Variants in DLEC1 observed in about 807,000 individuals in gnomAD.
The protein encoded by DLEC1 is deleted in lung and esophageal cancer protein 1.
A neutral mutation model predicts 198.1 loss-of-function variants in DLEC1; 146 were observed. The ratio of observed to expected loss-of-function variants is 0.74; its 90% CI spans 0.64 to 0.85. DLEC1 has a LOEUF of 0.85. DLEC1 is among the 40% of genes least tolerant of loss of function. The probability of loss-of-function intolerance (pLI) is 0.00; values close to 1 mark genes in which losing one functional copy is unlikely to be tolerated. For synonymous variants in DLEC1, 897 were observed against 866.8 expected, an observed-to-expected ratio of 1.03 and a Z score of -0.61; for missense variants, 2,233 against 2,220.0, an observed-to-expected ratio of 1.01 and a Z score of -0.12.
chr3:38,060,886 G>A (rs978399497), intron 3 of DLEC1, among the ~76,000 whole-genome samples: 2 of 151,940 alleles, frequency 1.3e-5, no homozygotes, highest in Non-Finnish European at 2.9e-5. Context: ...TAGAGAGGGG[G>A]TTTCTCCATG....
chr3:38,087,090 T>A (rs1436996057), intron 9 of DLEC1, among the ~76,000 whole-genome samples: 141 of 141,658 alleles, frequency 1.0e-3, no homozygotes, highest in African/African-American at 3.6e-3. Context: ...AAAAAAAAAA[T>A]GGAGATTTTA....
intron 6 of DLEC1, among the ~76,000 whole-genome samples, chr3:38,064,491 C>T (rs147678530): frequency 0.024 from 3,700 of 152,348 alleles, 153 homozygotes; most frequent in African/African-American, 0.084. Context: ...AAACCGCCAT[C>T]GGCATCATGG....
Position 38,121,732 on chromosome 3 carries a change from C to A in DLEC1, c.4971C>A (p.Val1657=). 6.2e-7 allele frequency: 1 copy of A among 1,614,064 alleles called. No homozygotes were observed. Among genetic ancestry groups the A allele is most frequent in the Non-Finnish European group, 8.5e-7 (1 of 1,179,962 alleles). The change falls in exon 35 of 37, where the codon GTC becomes GTA. Residue 1657 remains valine (V), a synonymous_variant. Coordinates refer to ENST00000308059, the MANE Select transcript of DLEC1 (RefSeq NM_007335.4). ...TGAGCCAGCAGCGAGTCCGGGAGGT[C>A]TACCTGATGAACCTGAGCGGGTGCC... is the stretch of plus-strand genomic sequence containing the variant. The part of the protein sequence containing the change: ...CFVSQQRVRE[V]YLMNLSGCRS...
chr3:38,099,795 G>A (rs1015128301), intron 18 of DLEC1, among the ~76,000 whole-genome samples: 1 of 140,576 alleles, frequency 7.1e-6, no homozygotes, highest in Non-Finnish European at 1.5e-5. Flanking sequence ...GTGGGGGCGG[G>A]TAAATGAGGC....
intron 23 of DLEC1, among the ~76,000 whole-genome samples, chr3:38,110,674 T>C (rs1485971781): frequency 6.6e-6 from 1 of 152,094 alleles, no homozygotes; most frequent in Non-Finnish European, 1.5e-5. Context: ...TGGGCTGACA[T>C]GTGGAGAGTG....
At chr3:38,099,078 A>G (rs950042833) in intron 18 of DLEC1, among the ~76,000 whole-genome samples, 1 of 152,132 alleles carries the variant, frequency 6.6e-6, no homozygotes, top group African/African-American at 2.4e-5. Context: ...ATGAAACTTT[A>G]TGCAAAAGCC....
intron 21 of DLEC1, 147 bp from the exon 22 acceptor site, chr3:38,109,285 C>G (rs1256718548): frequency 3.4e-6 from 4 of 1,167,522 alleles, no homozygotes; most frequent in Non-Finnish European, 4.7e-6. Context: ...GAGGGCGGGT[C>G]GACTGGCTGG....
At chr3:38,046,817 C>T (rs570061403) in intron 2 of DLEC1, among the ~76,000 whole-genome samples, 3 of 151,582 alleles carry the variant, frequency 2.0e-5, no homozygotes, top group Non-Finnish European at 4.4e-5. Context: ...TCCAGGAAGT[C>T]ATGTCACATG....
Position 38,062,299 on chromosome 3 carries a change from C to T in DLEC1, c.804C>T (p.Asp268=), listed in dbSNP as rs365331. 1.9e-6 allele frequency: 3 copies of T among 1,614,168 alleles called. No homozygotes were observed. Among genetic ancestry groups the T allele is most frequent in the South Asian group, 1.1e-5 (1 of 91,080 alleles). The part of the protein sequence containing the change: ...KKLAEFEDEL[D]HTVDSLTWNL... The stretch of plus-strand genomic sequence containing the variant: ...TTGCTGAGTTCGAAGATGAGTTAGA[C>T]CACACTGTGGACAGCCTGACATGGA... The change falls in exon 4 of 37, where the codon GAC becomes GAT. Residue 268 remains aspartate (D), a synonymous_variant. Coordinates refer to ENST00000308059, the MANE Select transcript of DLEC1 (RefSeq NM_007335.4).
intron 2 of DLEC1, among the ~76,000 whole-genome samples, chr3:38,057,460 C>A (rs1406819554): frequency 6.6e-6 from 1 of 151,914 alleles, no homozygotes; most frequent in African/African-American, 2.4e-5. Context: ...CCACTGCACT[C>A]CAGCCTGGAT....
In DLEC1 at chr3:38,039,656, G is replaced by C. The variant is rs1700561787; in HGVS notation, c.411+20G>C. On this transcript the variant is annotated intron_variant, in intron 1 of 36. Transcript: ENST00000308059. ...CAGCAGGTAACGTGGCGGTGGCGTC[G>C]CGTCTGCGGACGGTGCCGGGGTCTC... 6.3e-7 allele frequency: 1 copy of C among 1,582,396 alleles called. No homozygotes were observed. The highest frequency in any genetic ancestry group is 8.6e-7 in the Non-Finnish European group (1 of 1,161,514).
At chr3:38,070,206 C>T (rs1032580686) in intron 6 of DLEC1, among the ~76,000 whole-genome samples, 1 of 152,252 alleles carries the variant, frequency 6.6e-6, no homozygotes, top group South Asian at 2.1e-4. Flanking sequence ...GAGTGGGTTG[C>T]GTAAGAGGCC....
chr3:38,096,972 C>T lies in DLEC1; in HGVS notation c.2341-210C>T, dbSNP rs141041698. Reference sequence around the variant, plus strand: ...AAGTTAGGGCTATGGAACCTATTCCCGTCCTTGGCAGAGTATGTCAGCCAC... The same window carrying T: ...AAGTTAGGGCTATGGAACCTATTCCTGTCCTTGGCAGAGTATGTCAGCCAC... On this transcript the variant is annotated intron_variant, in intron 15 of 36. Coordinates refer to ENST00000308059, the MANE Select transcript of DLEC1 (RefSeq NM_007335.4). 7.2e-3 allele frequency among the ~76,000 whole-genome samples: 1,100 copies of T among 152,314 alleles called. 6 individuals carry two copies. Among genetic ancestry groups the T allele is most frequent in the Non-Finnish European group, 0.013 (876 of 68,020 alleles).
chr3:38,071,226 T>G (rs893945688), intron 6 of DLEC1, among the ~76,000 whole-genome samples: 9 of 152,094 alleles, frequency 5.9e-5, no homozygotes, highest in African/African-American at 2.2e-4. Context: ...AAACGGAAGA[T>G]ACAAGGTCTG....
At chr3:38,077,387 C>T (rs1265237683) in intron 6 of DLEC1, among the ~76,000 whole-genome samples, 1 of 152,174 alleles carries the variant, frequency 6.6e-6, no homozygotes, top group African/African-American at 2.4e-5. Context: ...CTCAAATGGG[C>T]TGTACCTTGT....
chr3:38,080,338 A>C (rs1336922418), intron 6 of DLEC1, among the ~76,000 whole-genome samples: 1 of 152,124 alleles, frequency 6.6e-6, no homozygotes, highest in Non-Finnish European at 1.5e-5. Flanking sequence ...GGGAGAGGTC[A>C]GATGGGTCTG....
intron 9 of DLEC1, among the ~76,000 whole-genome samples, chr3:38,086,630 C>T (rs145943710): frequency 1.3e-5 from 2 of 152,334 alleles, no homozygotes; most frequent in East Asian, 1.9e-4. Flanking sequence ...CAAGCCCTGG[C>T]TCAAATGTGA....
In DLEC1 at chr3:38,084,473, GGTGGTGGTAGTA is replaced by G. The variant is rs1559430384; in HGVS notation, c.1261+243_1261+254del. 2.5e-4 allele frequency among the ~76,000 whole-genome samples: 22 copies of G among 88,476 alleles called. 4 individuals carry two copies. Among genetic ancestry groups the G allele is most frequent in the Admixed American group, 5.6e-4 (5 of 8,924 alleles). 58.0% of individuals were successfully genotyped at this position (88,476 alleles called of 152,430 possible). On this transcript the variant is annotated intron_variant, in intron 7 of 36. Transcript: ENST00000308059. ...TGGTGGTAGTAGTAATAGTAGTGGTGGTGGTGGTAGTAGTGGTGGTAGTAGTAGTGGTAGTAG... is the reference window on the plus strand; with the variant it reads ...TGGTGGTAGTAGTAATAGTAGTGGTGGTGGTGGTAGTAGTAGTGGTAGTAG...
intron 13 of DLEC1, 32 bp downstream of exon 13, chr3:38,095,103 T>C (rs1190631458): frequency 1.2e-6 from 2 of 1,610,388 alleles, no homozygotes; most frequent in Non-Finnish European, 1.7e-6. Context: ...TAGCCACACA[T>C]GGTTGGATCA....
Sources: gnomAD v4.1 joint callset for allele counts (sites outside exome capture counted in the v4.1 genomes callset) on GRCh38, gnomAD v4.1.1 for gene constraint, MANE v1.5 for transcripts, NCBI Gene and HGNC (gene_info 2026-07-23, HGNC 2026-07-21) for gene names.